CACNB4: variants seen among roughly 807,000 people sequenced by gnomAD.
The protein encoded by CACNB4 is calcium voltage-gated channel auxiliary subunit beta 4.
Under a neutral mutation model 71.2 loss-of-function variants are expected in CACNB4, and 32 were observed. That is an observed-to-expected ratio of 0.45 (90% CI 0.34 to 0.60). The LOEUF (loss-of-function observed/expected upper bound fraction) is 0.60, where lower values mean the gene tolerates loss of function less well. Ranked by LOEUF, CACNB4 falls within the 20% of genes least tolerant of loss-of-function variation. CACNB4 has a pLI of 0.01. For synonymous variants in CACNB4, 231 were observed against 236.9 expected, an observed-to-expected ratio of 0.97 and a Z score of 0.23; for missense variants, 464 against 647.9, an observed-to-expected ratio of 0.72 and a Z score of 3.08.
intron 12 of CACNB4, chr2:151,851,679 T>C (rs1248220809): frequency 6.6e-6 from 1 of 152,212 alleles, no homozygotes; most frequent in Non-Finnish European, 1.5e-5. Flanking sequence ...CTCTAGTAAT[T>C]ATTAGAATAA....
intron 12 of CACNB4, among the ~76,000 whole-genome samples, chr2:151,843,202 A>G (rs2099836670): frequency 6.6e-6 from 1 of 152,232 alleles, no homozygotes; most frequent in Non-Finnish European, 1.5e-5. Flanking sequence ...GGCTGGGAAC[A>G]CAGACAGGAT....
At chr2:151,959,636 C>G (rs1388597050) in intron 2 of CACNB4, among the ~76,000 whole-genome samples, 1 of 152,130 alleles carries the variant, frequency 6.6e-6, no homozygotes, top group Non-Finnish European at 1.5e-5. Flanking sequence ...TTATGCATTT[C>G]TCATCCTTTT....
intron 2 of CACNB4, among the ~76,000 whole-genome samples, chr2:152,006,673 G>A (rs1228981557): frequency 6.6e-6 from 1 of 152,132 alleles, no homozygotes; most frequent in African/African-American, 2.4e-5. Flanking sequence ...TGGGATTACA[G>A]GCATGAGACA....
At chr2:151,981,709 T>C (rs1351148172) in intron 2 of CACNB4, among the ~76,000 whole-genome samples, 1 of 152,140 alleles carries the variant, frequency 6.6e-6, no homozygotes, top group Non-Finnish European at 1.5e-5. Context: ...TACCCCTCTT[T>C]TGATGCAGTG....
intron 2 of CACNB4, among the ~76,000 whole-genome samples, chr2:152,040,116 T>C (rs1684800331): frequency 1.3e-5 from 2 of 152,224 alleles, no homozygotes; most frequent in South Asian, 4.1e-4. Context: ...TTATGGGCTA[T>C]TCTGAATAAA....
chr2:152,058,799 G>A (rs1685855209), intron 2 of CACNB4, among the ~76,000 whole-genome samples: 1 of 152,248 alleles, frequency 6.6e-6, no homozygotes, highest in Non-Finnish European at 1.5e-5. Flanking sequence ...GTATGTCAGA[G>A]ACCTTCACAG....
chr2:151,964,925 T>C (rs984401604), intron 2 of CACNB4, among the ~76,000 whole-genome samples: 1 of 110,126 alleles, frequency 9.1e-6, no homozygotes, highest in Non-Finnish European at 1.9e-5. Flanking sequence ...GCCCTGTGCA[T>C]CATAATTAAA....
At chr2:152,003,590 C>T (rs1406635572) in intron 2 of CACNB4, among the ~76,000 whole-genome samples, 3 of 152,086 alleles carry the variant, frequency 2.0e-5, no homozygotes, top group East Asian at 3.9e-4. Context: ...GGTTTTTCTG[C>T]GGCAGTTCCC....
intron 2 of CACNB4, among the ~76,000 whole-genome samples, chr2:152,043,458 A>C (rs1684979043): frequency 6.6e-6 from 1 of 152,106 alleles, no homozygotes; most frequent in Non-Finnish European, 1.5e-5. Flanking sequence ...AATGGCTGGG[A>C]CTACAGGCAC....
intron 2 of CACNB4, among the ~76,000 whole-genome samples, chr2:152,095,718 A>G (rs1349988995): frequency 6.6e-6 from 1 of 152,086 alleles, no homozygotes; most frequent in Non-Finnish European, 1.5e-5. Context: ...GTGGAGCAAT[A>G]CTGGCTCACT....
intron 2 of CACNB4, among the ~76,000 whole-genome samples, chr2:152,019,125 T>C (rs758858345): frequency 6.6e-6 from 1 of 152,180 alleles, no homozygotes; most frequent in Non-Finnish European, 1.5e-5. Flanking sequence ...TCATGTTGAA[T>C]AAAGACCAGT....
chr2:152,063,395 T>C (rs1686124230), intron 2 of CACNB4, among the ~76,000 whole-genome samples: 1 of 152,214 alleles, frequency 6.6e-6, no homozygotes, highest in African/African-American at 2.4e-5. Flanking sequence ...ATAAAGAAAC[T>C]GAGGCAGAGA....
At chr2:152,093,972 T>C (rs1280031345) in intron 2 of CACNB4, among the ~76,000 whole-genome samples, 1 of 152,240 alleles carries the variant, frequency 6.6e-6, no homozygotes, top group Non-Finnish European at 1.5e-5. Flanking sequence ...ATCCATCCAC[T>C]GCTTCATTCA....
chr2:151,945,609 C>T (rs1194116866), intron 2 of CACNB4, among the ~76,000 whole-genome samples: 1 of 152,084 alleles, frequency 6.6e-6, no homozygotes, highest in Non-Finnish European at 1.5e-5. Context: ...TGTGATTGCA[C>T]CACCACACTC....
chr2:151,842,532 C>T (rs905732091), intron 12 of CACNB4, among the ~76,000 whole-genome samples: 4 of 152,000 alleles, frequency 2.6e-5, no homozygotes, highest in African/African-American at 9.6e-5. Flanking sequence ...GATGGGGTTT[C>T]ACCATCTTGG....
chr2:151,851,834 A>G (rs1450737591), intron 12 of CACNB4: 2 of 152,236 alleles, frequency 1.3e-5, no homozygotes, highest in African/African-American at 4.8e-5. Context: ...AAATAATAAC[A>G]TAGTTCCCGG....
At chr2:151,925,246 A>G (rs1578823142) in intron 2 of CACNB4, among the ~76,000 whole-genome samples, 1 of 152,374 alleles carries the variant, frequency 6.6e-6, no homozygotes, top group South Asian at 2.1e-4. Context: ...ACAGAGAATG[A>G]GCAGTAGAAG....
Position 152,022,358 on chromosome 2 carries a change from T to A in CACNB4, c.147+75972A>T, listed in dbSNP as rs922600998. ...GAGGGAATGTGAAACCAATAACTAT[T>A]TCACAAAGGACACAATCCATGTCTC... is the stretch of plus-strand genomic sequence containing the variant. On this transcript the variant is annotated intron_variant, in intron 2 of 13. Coordinates refer to ENST00000539935, the MANE Select transcript of CACNB4 (RefSeq NM_000726.5). Among the ~76,000 whole-genome samples the A allele has an allele frequency of 2.0e-5, 3 of 152,204 alleles. No individual in the cohort carries two copies. In the South Asian group the frequency reaches 6.2e-4, roughly 32 times the overall value.
intron 2 of CACNB4, among the ~76,000 whole-genome samples, chr2:151,900,144 G>T (rs2151501497): frequency 6.6e-6 from 1 of 152,322 alleles, no homozygotes; most frequent in East Asian, 1.9e-4. Flanking sequence ...GGACAACTCT[G>T]TAGTCAGTAT....
Sources: gnomAD v4.1 joint callset for allele counts (sites outside exome capture counted in the v4.1 genomes callset) on GRCh38, gnomAD v4.1.1 for gene constraint, MANE v1.5 for transcripts, NCBI Gene and HGNC (gene_info 2026-07-23, HGNC 2026-07-21) for gene names.